The following PIAS1 variants were observed in gnomAD, a reference collection of about 807,000 sequenced individuals.
The protein encoded by PIAS1 is protein inhibitor of activated STAT 1.
In PIAS1, 6 loss-of-function variants were observed where a neutral mutation model predicts 71.3. The ratio of observed to expected loss-of-function variants is 0.08; its 90% CI spans 0.05 to 0.17. The LOEUF is 0.17. Among genes scored for constraint, PIAS1 ranks in the 10% least tolerant of loss-of-function variants. PIAS1 has a pLI of 1.00. For missense variants in PIAS1, 555 were observed against 793.6 expected, an observed-to-expected ratio of 0.70 and a Z score of 3.61; for synonymous variants, 303 against 292.9, an observed-to-expected ratio of 1.03 and a Z score of -0.35.
At chr15:68,118,343 T>C (rs1225777813) in intron 2 of PIAS1, among the ~76,000 whole-genome samples, 1 of 150,740 alleles carries the variant, frequency 6.6e-6, no homozygotes, top group East Asian at 1.9e-4. Flanking sequence ...AAAATAATAA[T>C]AAATAAATAA....
intron 2 of PIAS1, among the ~76,000 whole-genome samples, chr15:68,103,863 A>G (rs1400737145): frequency 6.6e-6 from 1 of 152,218 alleles, no homozygotes; most frequent in Non-Finnish European, 1.5e-5. Context: ...GTTGATGGGC[A>G]TCTGAGTTGT....
At chr15:68,108,971 G>A (rs561572641) in intron 2 of PIAS1, among the ~76,000 whole-genome samples, 95 of 152,258 alleles carry the variant, frequency 6.2e-4, no homozygotes, top group African/African-American at 2.2e-3. Context: ...AGTAGCCAGA[G>A]TGATACTTTT....
At chr15:68,142,963 T>A (rs2092782502) in intron 4 of PIAS1, among the ~76,000 whole-genome samples, 1 of 152,144 alleles carries the variant, frequency 6.6e-6, no homozygotes, top group Non-Finnish European at 1.5e-5. Flanking sequence ...TTTTCCAACA[T>A]GGATTCACAA....
intron 1 of PIAS1, among the ~76,000 whole-genome samples, chr15:68,062,552 A>G (rs1436558331): frequency 6.6e-6 from 1 of 152,220 alleles, no homozygotes; most frequent in Non-Finnish European, 1.5e-5. Flanking sequence ...TCTTAGCCCT[A>G]GGCGACTGAT....
intron 2 of PIAS1, among the ~76,000 whole-genome samples, chr15:68,118,830 G>A (rs1009125056): frequency 2.6e-5 from 4 of 152,032 alleles, no homozygotes; most frequent in South Asian, 2.1e-4. Context: ...ATGTAAGATC[G>A]GAAACTATGA....
chr15:68,115,482 G>T (rs914177869), intron 2 of PIAS1, among the ~76,000 whole-genome samples: 1 of 151,990 alleles, frequency 6.6e-6, no homozygotes, highest in African/African-American at 2.4e-5. Context: ...TTCTACATAG[G>T]TCATATTTTC....
chr15:68,179,949 G>A (rs2093043994), intron 11 of PIAS1, among the ~76,000 whole-genome samples: 1 of 152,026 alleles, frequency 6.6e-6, no homozygotes, highest in Non-Finnish European at 1.5e-5. Context: ...AGCATTAAAA[G>A]CAAAAGACAG....
intron 12 of PIAS1, chr15:68,181,590 T>C: frequency 2.4e-6 from 1 of 419,970 alleles, no homozygotes; most frequent in Non-Finnish European, 4.4e-6. Flanking sequence ...CAATAATCTT[T>C]AGTTTTTGTG....
chr15:68,072,258 G>A (rs2092105464), intron 1 of PIAS1, among the ~76,000 whole-genome samples: 3 of 151,480 alleles, frequency 2.0e-5, no homozygotes, highest in Non-Finnish European at 4.4e-5. Context: ...AAATTAGCTG[G>A]GCGTGGTGGC....
At chr15:68,114,855 TTC>T (rs1291790406) in intron 2 of PIAS1, among the ~76,000 whole-genome samples, 2 of 152,132 alleles carry the variant, frequency 1.3e-5, no homozygotes, top group East Asian at 3.8e-4. Flanking sequence ...ACCTTAACTT[TTC>T]TTTCTGCACT....
At chr15:68,055,150 T>C (rs1168486956) in intron 1 of PIAS1, 2 of 971,592 alleles carry the variant, frequency 2.1e-6, no homozygotes, top group African/African-American at 1.8e-5. Flanking sequence ...CTCCCTTCTT[T>C]TGCCTTAGCT....
intron 11 of PIAS1, among the ~76,000 whole-genome samples, chr15:68,180,477 G>A (rs1272967424): frequency 6.9e-6 from 1 of 144,904 alleles, no homozygotes; most frequent in African/African-American, 2.5e-5. Flanking sequence ...TAAAAAAAAA[G>A]CTACTTAGCT....
At chr15:68,159,256 A>G (rs1049217544) in intron 7 of PIAS1, among the ~76,000 whole-genome samples, 2 of 152,190 alleles carry the variant, frequency 1.3e-5, no homozygotes, top group African/African-American at 2.4e-5. Flanking sequence ...CTCACAAGTA[A>G]TAAGTGCTTC....
intron 1 of PIAS1, among the ~76,000 whole-genome samples, chr15:68,059,332 A>C (rs1322193317): frequency 6.6e-6 from 1 of 151,768 alleles, no homozygotes; most frequent in Non-Finnish European, 1.5e-5. Context: ...CTTTTTTTGC[A>C]GTGTGTTTGC....
At chr15:68,119,805 C>T (rs1595740555) in intron 2 of PIAS1, among the ~76,000 whole-genome samples, 1 of 152,140 alleles carries the variant, frequency 6.6e-6, no homozygotes, top group African/African-American at 2.4e-5. Context: ...GTTTATTTCT[C>T]ATTGTAGTTC....
intron 2 of PIAS1, among the ~76,000 whole-genome samples, chr15:68,099,578 G>A (rs1483269182): frequency 1.3e-5 from 2 of 151,850 alleles, no homozygotes; most frequent in African/African-American, 2.4e-5. Context: ...GAGTATTCAT[G>A]TACAGGTGCT....
chr15:68,140,959 G>A (rs932570388), intron 2 of PIAS1, among the ~76,000 whole-genome samples: 2 of 152,036 alleles, frequency 1.3e-5, no homozygotes, highest in African/African-American at 2.4e-5. Context: ...ATAGTATTCA[G>A]TGCTTCTTTG....
chr15:68,073,253 G>A (rs370453575), intron 1 of PIAS1, among the ~76,000 whole-genome samples: 1 of 152,092 alleles, frequency 6.6e-6, no homozygotes, highest in Admixed American at 6.5e-5. Context: ...TCCTGACCTC[G>A]TGATCTACCC....
intron 2 of PIAS1, among the ~76,000 whole-genome samples, chr15:68,099,888 A>C (rs2092408416): frequency 6.6e-6 from 1 of 152,094 alleles, no homozygotes; most frequent in Non-Finnish European, 1.5e-5. Flanking sequence ...AATGATGTTG[A>C]ACATCTTTCC....
Sources: gnomAD v4.1 joint callset for allele counts (sites outside exome capture counted in the v4.1 genomes callset) on GRCh38, gnomAD v4.1.1 for gene constraint, MANE v1.5 for transcripts, NCBI Gene and HGNC (gene_info 2026-07-23, HGNC 2026-07-21) for gene names.